The following MREG variants were observed in gnomAD, a reference collection of about 807,000 sequenced individuals.
The protein encoded by MREG is melanoregulin.
In MREG, 31 loss-of-function variants were observed where a neutral mutation model predicts 28.5. The observed-to-expected ratio is 1.09, with a 90% CI of 0.82 to 1.47. MREG has a LOEUF of 1.47. Ranked by LOEUF, MREG falls within the 40% of genes most tolerant of loss-of-function variation. The probability of loss-of-function intolerance (pLI) is 0.00; values close to 1 mark genes in which losing one functional copy is unlikely to be tolerated. For synonymous variants in MREG, 106 were observed against 95.2 expected (o/e 1.11, Z -0.66); for missense variants, 256 against 257.4 (o/e 0.99, Z 0.04).
At chr2:215,940,423 G>A (rs144868521), downstream of MREG, among the ~76,000 whole-genome samples, 227 of 152,300 alleles carry the variant, frequency 1.5e-3, 1 homozygote, top group African/African-American at 5.3e-3. Flanking sequence ...AGGAAGCCAG[G>A]GTTGTGCCAT....
chr2:216,004,856 G>A lies in MREG; in HGVS notation c.95+8377C>T, dbSNP rs116496409. Among the ~76,000 whole-genome samples, 917 of 152,248 alleles carry A rather than the reference G, an allele frequency of 6.0e-3. 12 individuals carry two copies. The highest frequency in any genetic ancestry group is 0.021 in the African/African-American group (878 of 41,528). ...GAGTAAGGGACACAGTGAAGGGTGG[G>A]GCACTGTTTTAAGAGAGTGGTCAGG... On this transcript the variant is annotated intron_variant, in intron 1 of 4. Transcript: ENST00000263268.
chr2:216,022,195 G>T (rs562449948), intron 1 of MREG, among the ~76,000 whole-genome samples: 54 of 152,264 alleles, frequency 3.5e-4, no homozygotes, highest in Non-Finnish European at 6.6e-4. Context: ...AGGTTGCAGT[G>T]AGCTGAGATA....
chr2:216,018,158 A>G (rs944730440), upstream of MREG, among the ~76,000 whole-genome samples: 3 of 152,116 alleles, frequency 2.0e-5, no homozygotes, highest in Middle Eastern at 3.4e-3. Flanking sequence ...ACGAGACTCC[A>G]CCTCAAAAAA....
At chr2:215,945,780 A>G (rs1271858184) in intron 3 of MREG, 46 bp from the exon 4 acceptor site, 1 of 1,555,764 alleles carries the variant, frequency 6.4e-7, no homozygotes, top group Non-Finnish European at 8.8e-7. Flanking sequence ...TCCCAAGTTA[A>G]CAAGTGTTCC....
chr2:216,026,769 G>A (rs1035859273), intron 1 of MREG, among the ~76,000 whole-genome samples: 6 of 152,100 alleles, frequency 3.9e-5, no homozygotes, highest in Non-Finnish European at 8.8e-5. Flanking sequence ...CCTGGGAACA[G>A]CCCACTTTAT....
downstream of MREG, chr2:215,941,847 C>T (rs1243190958): frequency 6.6e-6 from 1 of 152,226 alleles, no homozygotes; most frequent in South Asian, 2.1e-4. Flanking sequence ...AACCTGGCCA[C>T]TCATTGTGAT....
At chr2:216,015,106 T>G (rs1281987434), upstream of MREG, among the ~76,000 whole-genome samples, 3 of 75,956 alleles carry the variant, frequency 3.9e-5, no homozygotes, top group African/African-American at 2.3e-4. Flanking sequence ...GAGAGCGGGG[T>G]GTGTGTGTGC....
At chr2:215,939,545 AG>A (rs1692171588), downstream of MREG, 1 of 152,238 alleles carries the variant, frequency 6.6e-6, no homozygotes, top group African/African-American at 2.4e-5. Context: ...TCCAATAATA[AG>A]ATCCGACAAC....
At chr2:215,980,752 C>A (rs777806028) in intron 2 of MREG, among the ~76,000 whole-genome samples, 8 of 151,496 alleles carry the variant, frequency 5.3e-5, no homozygotes, top group Non-Finnish European at 8.8e-5. Context: ...GTGGAAGTTG[C>A]AGTGAGCAGA....
intron 2 of MREG, among the ~76,000 whole-genome samples, chr2:215,991,016 A>AG (rs1693707430): frequency 6.6e-6 from 1 of 152,248 alleles, no homozygotes; most frequent in Non-Finnish European, 1.5e-5. Context: ...GATATACAGG[A>AG]GTTAAACTCA....
intron 2 of MREG, among the ~76,000 whole-genome samples, chr2:215,993,170 T>C (rs1435163093): frequency 2.0e-5 from 3 of 152,130 alleles, no homozygotes; most frequent in Non-Finnish European, 4.4e-5. Context: ...CTTCAAACTA[T>C]ATTACAAGGC....
upstream of MREG, among the ~76,000 whole-genome samples, chr2:216,015,155 G>A (rs1476839497): frequency 6.6e-6 from 1 of 151,848 alleles, no homozygotes; most frequent in African/African-American, 2.4e-5. Context: ...GCGTGCGTAC[G>A]TGTGCGCGCG....
chr2:216,011,820 G>A (rs991591263), intron 1 of MREG, among the ~76,000 whole-genome samples: 1 of 152,204 alleles, frequency 6.6e-6, no homozygotes, highest in African/African-American at 2.4e-5. Flanking sequence ...GCTCAAGTCT[G>A]TATTTCATGT....
intron 1 of MREG, among the ~76,000 whole-genome samples, chr2:216,001,775 AG>A (rs1461060909): frequency 6.6e-6 from 1 of 152,192 alleles, no homozygotes; most frequent in African/African-American, 2.4e-5. Context: ...ACTCCTGCAC[AG>A]CCACCAGGTC....
intron 4 of MREG, 150 bp downstream of exon 4, chr2:215,945,421 G>A (rs1692293594): frequency 2.2e-6 from 2 of 898,760 alleles, no homozygotes; most frequent in Non-Finnish European, 1.7e-6. Context: ...GATGCTGCGG[G>A]CCACTGGGGA....
chr2:216,011,072 G>A (rs976755526), intron 1 of MREG, among the ~76,000 whole-genome samples: 1 of 144,196 alleles, frequency 6.9e-6, no homozygotes, highest in Non-Finnish European at 1.5e-5. Context: ...CTCCAGCCTG[G>A]GCAACAGAGC....
At chr2:215,945,489 G>C in intron 4 of MREG, 82 bp downstream of exon 4, 4 of 1,494,358 alleles carry the variant, frequency 2.7e-6, no homozygotes, top group Non-Finnish European at 2.7e-6. Context: ...GGTGGTGTTG[G>C]AATACGGAGG....
At chr2:215,957,185 G>T (rs1692647504) in intron 2 of MREG, among the ~76,000 whole-genome samples, 1 of 152,220 alleles carries the variant, frequency 6.6e-6, no homozygotes, top group African/African-American at 2.4e-5. Flanking sequence ...AGCCACAGCA[G>T]CTATGCCTGA....
chr2:216,023,946 G>T (rs1694559924), intron 1 of MREG, among the ~76,000 whole-genome samples: 2 of 152,124 alleles, frequency 1.3e-5, no homozygotes, highest in Non-Finnish European at 2.9e-5. Context: ...GGGATTACAG[G>T]TGTGAGCCAC....
Sources: allele counts gnomAD v4.1 joint callset (sites outside exome capture counted in the v4.1 genomes callset), GRCh38; gene constraint gnomAD v4.1.1; transcripts MANE v1.5; gene names NCBI Gene and HGNC (gene_info 2026-07-23, HGNC 2026-07-21).